Variants in AUTS2 observed in about 807,000 individuals in gnomAD.
AUTS2 encodes autism susceptibility gene 2 protein.
Under a neutral mutation model 112.4 loss-of-function variants are expected in AUTS2, and 17 were observed. The observed-to-expected ratio is 0.15, with a 90% CI of 0.10 to 0.23. AUTS2 has a LOEUF of 0.23. AUTS2 is among the 10% of genes least tolerant of loss of function. The probability of loss-of-function intolerance (pLI) is 1.00; values close to 1 mark genes in which losing one functional copy is unlikely to be tolerated. For missense variants in AUTS2, 1,510 were observed against 1,701.6 expected (o/e 0.89, Z 1.98); for synonymous variants, 751 against 702.7 (o/e 1.07, Z -1.09).
chr7:70,502,642 G>T (rs981206200), intron 5 of AUTS2, among the ~76,000 whole-genome samples: 4 of 152,200 alleles, frequency 2.6e-5, no homozygotes, highest in African/African-American at 7.2e-5. Context: ...ACTCCCAACA[G>T]ACTTTGTTTA....
At chr7:69,667,504 C>T (rs376833032) in intron 1 of AUTS2, among the ~76,000 whole-genome samples, 10 of 151,846 alleles carry the variant, frequency 6.6e-5, no homozygotes, top group African/African-American at 1.9e-4. Context: ...TACAGGTGCA[C>T]GCCACCACAC....
chr7:70,035,456 T>G (rs554468705), intron 2 of AUTS2, among the ~76,000 whole-genome samples: 3 of 152,348 alleles, frequency 2.0e-5, no homozygotes, highest in African/African-American at 7.2e-5. Context: ...GTGGAGGTTC[T>G]GAGGCATTGC....
chr7:70,423,727 A>G (rs949008883), intron 4 of AUTS2, among the ~76,000 whole-genome samples: 7 of 152,120 alleles, frequency 4.6e-5, no homozygotes, highest in African/African-American at 1.7e-4. Context: ...AAATAAAACT[A>G]TTAGTTACCT....
chr7:69,651,202 A>G (rs1361751684), intron 1 of AUTS2, among the ~76,000 whole-genome samples: 3 of 152,156 alleles, frequency 2.0e-5, no homozygotes, highest in African/African-American at 7.2e-5. Context: ...AAACAAACTT[A>G]TGACATCTCT....
chr7:69,762,813 A>C lies in AUTS2; in HGVS notation c.310-136473A>C, dbSNP rs545989806. 1.2e-4 allele frequency among the ~76,000 whole-genome samples: 18 copies of C among 152,344 alleles called. No homozygotes were observed. The South Asian group carries it at 2.7e-3, about 23-fold the overall frequency. ...AAATACTCTTTTATTCTGGAATGAC[A>C]TACCTACCTGAAATCTTTGAGTTTC... is the stretch of plus-strand genomic sequence containing the variant. On this transcript the variant is annotated intron_variant, in intron 1 of 18. Coordinates refer to ENST00000342771, the MANE Select transcript of AUTS2 (RefSeq NM_015570.4).
At chr7:70,365,998 C>T (rs1792552302) in intron 4 of AUTS2, among the ~76,000 whole-genome samples, 1 of 152,216 alleles carries the variant, frequency 6.6e-6, no homozygotes, top group African/African-American at 2.4e-5. Context: ...TACCATAAGC[C>T]AGTCATCATG....
intron 5 of AUTS2, among the ~76,000 whole-genome samples, chr7:70,665,248 T>C (rs1807270232): frequency 6.6e-6 from 1 of 152,060 alleles, no homozygotes; most frequent in Admixed American, 6.6e-5. Flanking sequence ...TTCTCTGAAA[T>C]GAGAAATGCA....
intron 1 of AUTS2, among the ~76,000 whole-genome samples, chr7:69,654,252 C>T (rs548706336): frequency 6.6e-6 from 1 of 152,280 alleles, no homozygotes; most frequent in African/African-American, 2.4e-5. Context: ...ACACCTGCAG[C>T]CCCCAGTCTT....
chr7:70,105,730 A>G (rs1035236367), intron 2 of AUTS2, among the ~76,000 whole-genome samples: 1 of 152,164 alleles, frequency 6.6e-6, no homozygotes, highest in Non-Finnish European at 1.5e-5. Context: ...ACAGTGGTGC[A>G]TTTAAGTTCT....
At chr7:70,113,063 A>G (rs1805167493) in intron 2 of AUTS2, among the ~76,000 whole-genome samples, 1 of 152,184 alleles carries the variant, frequency 6.6e-6, no homozygotes, top group African/African-American at 2.4e-5. Context: ...TAGCTGTTGT[A>G]GATGATAACA....
intron 4 of AUTS2, among the ~76,000 whole-genome samples, chr7:70,214,828 G>T (rs1224977194): frequency 6.6e-6 from 1 of 152,178 alleles, no homozygotes; most frequent in African/African-American, 2.4e-5. Context: ...CTATGTGATA[G>T]TTATTGAGAA....
chr7:70,714,441 T>A lies in AUTS2; in HGVS notation c.742+15821T>A, dbSNP rs569984067. Among the ~76,000 whole-genome samples the A allele has an allele frequency of 8.5e-5, 13 of 152,286 alleles. 1 individual carries two copies. In the South Asian group the frequency reaches 2.3e-3, roughly 27 times the overall value. ...AAAGAACATTTCTTACAAAATCACATGTTGTTATCACACTAACTAAATATG... is the reference window on the plus strand; with the variant it reads ...AAAGAACATTTCTTACAAAATCACAAGTTGTTATCACACTAACTAAATATG... On this transcript the variant is annotated intron_variant, in intron 6 of 18. Coordinates refer to ENST00000342771, the MANE Select transcript of AUTS2 (RefSeq NM_015570.4).
intron 2 of AUTS2, among the ~76,000 whole-genome samples, chr7:70,086,640 CAAA>C (rs71068015): frequency 2.4e-5 from 2 of 83,554 alleles, no homozygotes; most frequent in Non-Finnish European, 2.4e-5. Context: ...GACTCCATCT[CAAA>C]AAAAAAAAAA....
chr7:69,614,314 C>CTCTCTCTT (rs1554334304), intron 1 of AUTS2, among the ~76,000 whole-genome samples: 1 of 83,320 alleles, frequency 1.2e-5, no homozygotes, highest in African/African-American at 4.7e-5. Context: ...CACTCTCCGT[C>CTCTCTCTT]TCTTTCTTTC....
chr7:69,619,015 A>G (rs921976990), intron 1 of AUTS2, among the ~76,000 whole-genome samples: 3 of 152,180 alleles, frequency 2.0e-5, no homozygotes, highest in African/African-American at 7.2e-5. Flanking sequence ...TCATGCAGTC[A>G]GGGTAAGAGA....
chr7:69,614,963 G>C (rs773190256), intron 1 of AUTS2, among the ~76,000 whole-genome samples: 16 of 152,232 alleles, frequency 1.1e-4, no homozygotes, highest in Non-Finnish European at 2.1e-4. Context: ...GGAGACCCAA[G>C]TCAAAACATG....
At chr7:69,711,457 A>G (rs1194366930) in intron 1 of AUTS2, among the ~76,000 whole-genome samples, 1 of 152,098 alleles carries the variant, frequency 6.6e-6, no homozygotes, top group Non-Finnish European at 1.5e-5. Context: ...TATTTTCTTT[A>G]TTGGGCAAAA....
At chr7:70,532,085 C>T (rs1325223171) in intron 5 of AUTS2, among the ~76,000 whole-genome samples, 1 of 152,174 alleles carries the variant, frequency 6.6e-6, no homozygotes, top group East Asian at 1.9e-4. Context: ...CCATGTGGCT[C>T]TTACCCTTCA....
chr7:70,342,269 A>C (rs977466963), intron 4 of AUTS2, among the ~76,000 whole-genome samples: 1 of 151,370 alleles, frequency 6.6e-6, no homozygotes, highest in African/African-American at 2.4e-5. Flanking sequence ...GATATTGTTC[A>C]TTTTTAACTG....
Sources: gnomAD v4.1 joint callset for allele counts (sites outside exome capture counted in the v4.1 genomes callset) on GRCh38, gnomAD v4.1.1 for gene constraint, MANE v1.5 for transcripts, NCBI Gene and HGNC (gene_info 2026-07-23, HGNC 2026-07-21) for gene names.